The following SPIRE1 variants were observed in gnomAD, a reference collection of about 807,000 sequenced individuals.
SPIRE1 encodes the protein protein spire homolog 1.
Under a neutral mutation model 94.1 loss-of-function variants are expected in SPIRE1, and 40 were observed. The ratio of observed to expected loss-of-function variants is 0.43; its 90% confidence interval spans 0.33 to 0.55. The LOEUF (loss-of-function observed/expected upper bound fraction) is 0.55, where lower values mean the gene tolerates loss of function less well. Among genes scored for constraint, SPIRE1 ranks in the 20% least tolerant of loss-of-function variants. The pLI is 0.06. For missense variants in SPIRE1, 838 were observed against 975.2 expected, an observed-to-expected ratio of 0.86 and a Z score of 1.87; for synonymous variants, 376 against 371.7, an observed-to-expected ratio of 1.01 and a Z score of -0.13.
Position 12,479,693 on chromosome 18 carries a change from C to T in SPIRE1, c.1404+6G>A. On this transcript the variant is annotated splice_donor_region_variant and intron_variant, in intron 10 of 16. Transcript: ENST00000409402. ...GGGAGTCAAGCTGGGTGAACTGGGG[C>T]CTCACCTCAGACTCAGAGCTGTCCA... The T allele has an allele frequency of 6.3e-7, 1 of 1,599,258 alleles. No individual in the cohort carries two copies. The highest frequency in any genetic ancestry group is 8.5e-7 in the Non-Finnish European group (1 of 1,175,340).
At chr18:12,488,838 CTG>C (rs1278248884) in intron 8 of SPIRE1, among the ~76,000 whole-genome samples, 1 of 152,146 alleles carries the variant, frequency 6.6e-6, no homozygotes, top group African/African-American at 2.4e-5. Flanking sequence ...AGGCATTTTA[CTG>C]TGTTTTAATT....
chr18:12,453,776 G>A (rs2031366793), intron 13 of SPIRE1, among the ~76,000 whole-genome samples: 1 of 151,850 alleles, frequency 6.6e-6, no homozygotes, highest in Admixed American at 6.6e-5. Flanking sequence ...AAAGTGTAAT[G>A]ACTAAATGCA....
chr18:12,519,469 A>G (rs981737728), intron 4 of SPIRE1, among the ~76,000 whole-genome samples: 2 of 152,184 alleles, frequency 1.3e-5, no homozygotes, highest in African/African-American at 2.4e-5. Context: ...CTGGACTGAC[A>G]TTATCTGCTA....
chr18:12,451,649 G>A (rs935162955), intron 16 of SPIRE1, among the ~76,000 whole-genome samples: 5 of 152,218 alleles, frequency 3.3e-5, no homozygotes, highest in Non-Finnish European at 5.9e-5. Context: ...GCCAGGACAT[G>A]TGGTTGGTAG....
At chr18:12,575,874 T>C (rs1300516661) in intron 2 of SPIRE1, among the ~76,000 whole-genome samples, 1 of 152,236 alleles carries the variant, frequency 6.6e-6, no homozygotes, top group Non-Finnish European at 1.5e-5. Flanking sequence ...AAAATCCTAG[T>C]TAAGATTTTT....
intron 4 of SPIRE1, among the ~76,000 whole-genome samples, chr18:12,514,522 G>A (rs2034138781): frequency 6.6e-6 from 1 of 151,860 alleles, no homozygotes. Flanking sequence ...GCATAGAATA[G>A]GTGCTTAGTA....
At chr18:12,588,605 T>TA (rs5823229) in intron 2 of SPIRE1, among the ~76,000 whole-genome samples, 25 of 135,512 alleles carry the variant, frequency 1.8e-4, no homozygotes, top group African/African-American at 3.3e-4. Context: ...TGTCTCACTT[T>TA]AAAAAAAAAA....
At chr18:12,553,026 C>T (rs2035398754) in intron 2 of SPIRE1, among the ~76,000 whole-genome samples, 3 of 152,142 alleles carry the variant, frequency 2.0e-5, no homozygotes, top group African/African-American at 7.2e-5. Flanking sequence ...CAGGATTCAT[C>T]ACCTGCTGAC....
intron 2 of SPIRE1, among the ~76,000 whole-genome samples, chr18:12,570,184 G>A (rs1240582650): frequency 6.6e-6 from 1 of 152,142 alleles, no homozygotes; most frequent in Non-Finnish European, 1.5e-5. Context: ...GTCCATATTT[G>A]TCTCCTTTGC....
intron 2 of SPIRE1, among the ~76,000 whole-genome samples, chr18:12,579,147 A>G (rs1879349488): frequency 6.6e-6 from 1 of 151,886 alleles, no homozygotes; most frequent in Admixed American, 6.6e-5. Flanking sequence ...GAACCAAGCT[A>G]TGAACAAGAC....
intron 12 of SPIRE1, among the ~76,000 whole-genome samples, chr18:12,457,846 C>CTTTTTTTTTTTTTTTT (rs201510377): frequency 7.6e-6 from 1 of 132,260 alleles, no homozygotes; most frequent in Non-Finnish European, 1.6e-5. Flanking sequence ...TTTCTTTTTT[C>CTTTTTTTTTTTTTTTT]TTTTTTTTTT....
chr18:12,552,344 C>T (rs2035375454), intron 2 of SPIRE1, among the ~76,000 whole-genome samples: 2 of 152,164 alleles, frequency 1.3e-5, no homozygotes, highest in South Asian at 4.1e-4. Context: ...ATCCCTCTCC[C>T]AACGCCAGGC....
intron 10 of SPIRE1, among the ~76,000 whole-genome samples, chr18:12,470,852 T>C (rs1471655662): frequency 6.6e-6 from 1 of 152,012 alleles, no homozygotes; most frequent in Non-Finnish European, 1.5e-5. Flanking sequence ...CTCACTGAGT[T>C]AGGGCTTCTC....
intron 1 of SPIRE1, among the ~76,000 whole-genome samples, chr18:12,635,745 T>A (rs920994886): frequency 6.6e-6 from 1 of 152,188 alleles, no homozygotes; most frequent in African/African-American, 2.4e-5. Context: ...TACATTTCTG[T>A]CAATGTCGCT....
chr18:12,500,662 T>C (rs2033623092), intron 6 of SPIRE1, among the ~76,000 whole-genome samples: 1 of 152,110 alleles, frequency 6.6e-6, no homozygotes, highest in Admixed American at 6.5e-5. Flanking sequence ...ATGCGTACAC[T>C]ACTATACACT....
At chr18:12,513,543 G>A (rs1386028008) in intron 4 of SPIRE1, among the ~76,000 whole-genome samples, 1 of 148,352 alleles carries the variant, frequency 6.7e-6, no homozygotes, top group African/African-American at 2.5e-5. Context: ...ATTTATTTGA[G>A]GTGGAGTTTT....
chr18:12,616,338 C>T (rs2037307499), intron 2 of SPIRE1, among the ~76,000 whole-genome samples: 1 of 152,174 alleles, frequency 6.6e-6, no homozygotes, highest in Non-Finnish European at 1.5e-5. Context: ...TGATCCTCGA[C>T]TCCATCTGGA....
intron 2 of SPIRE1, among the ~76,000 whole-genome samples, chr18:12,596,942 C>T (rs1459171060): frequency 1.3e-5 from 2 of 148,912 alleles, no homozygotes. Flanking sequence ...TAACCCCCTT[C>T]CTGTTTCCTC....
At chr18:12,571,863 T>C (rs1003264416) in intron 2 of SPIRE1, among the ~76,000 whole-genome samples, 9 of 152,164 alleles carry the variant, frequency 5.9e-5, no homozygotes, top group Non-Finnish European at 1.3e-4. Context: ...TTCACAGAGC[T>C]TTTGACTTGG....
Sources: allele counts gnomAD v4.1 joint callset (sites outside exome capture counted in the v4.1 genomes callset), GRCh38; gene constraint gnomAD v4.1.1; transcripts MANE v1.5; gene names NCBI Gene and HGNC (gene_info 2026-07-23, HGNC 2026-07-21).